CD4: variants seen among roughly 807,000 people sequenced by gnomAD.
CD4 encodes CD4 molecule, also known as T-cell surface glycoprotein CD4.
In CD4, 25 loss-of-function variants were observed where a neutral mutation model predicts 50.5. The ratio of observed to expected loss-of-function variants is 0.49; its 90% confidence interval spans 0.36 to 0.69. The LOEUF (loss-of-function observed/expected upper bound fraction) is 0.69. CD4 is among the 30% of genes least tolerant of loss of function. The pLI is 0.00. For missense variants in CD4, 456 were observed against 548.5 expected, an observed-to-expected ratio of 0.83 and a Z score of 1.68; for synonymous variants, 207 against 221.9, an observed-to-expected ratio of 0.93 and a Z score of 0.60.
chr12:6,816,317 A>T lies in CD4; in HGVS notation c.869A>T (p.Gln290Leu). Residue 290 changes from glutamine (Q) to leucine (L), a missense_variant, in exon 6 of 10, where the codon CAG becomes CTG. Physicochemically the swap from Gln to Leu is moderately radical, Grantham distance 113 (BLOSUM62 -2). Coordinates refer to ENST00000011653, the MANE Select transcript of CD4 (RefSeq NM_000616.5). The surrounding 1 kb of genome is among the most constrained non-coding windows in gnomAD (Gnocchi z 4.9). ...LHLTLPQALP[Q>L]YAGSGNLTLA... ...CTCACCCTGCCCCAGGCCTTGCCTC[A>T]GTATGCTGGCTCTGGAAACCTCACC... 1 of 1,614,226 alleles carries T rather than the reference A, an allele frequency of 6.2e-7. No individual in the cohort carries two copies. Among genetic ancestry groups the T allele is most frequent in the South Asian group, 1.1e-5 (1 of 91,084 alleles).
Position 6,816,267 on chromosome 12 carries a change from G to C in CD4, c.819G>C (p.Gln273His). The C allele has an allele frequency of 2.5e-6, 4 of 1,614,244 alleles. No individual in the cohort carries two copies. Among genetic ancestry groups the C allele is most frequent in the Non-Finnish European group, 3.4e-6 (4 of 1,180,044 alleles). The stretch of plus-strand genomic sequence containing the variant: ...GGGTTACCCAGGACCCTAAGCTCCA[G>C]ATGGGCAAGAAGCTCCCGCTCCACC... ...VKRVTQDPKL[Q>H]MGKKLPLHLT... Residue 273 changes from glutamine (Q) to histidine (H), a missense_variant, in exon 6 of 10, where the codon CAG (glutamine) becomes CAC (histidine). By Grantham distance (24) the Gln-to-His change is conservative (BLOSUM62 0). Transcript: ENST00000011653. This position sits in a 1 kb window ranked among gnomAD's most constrained non-coding sequence, Gnocchi z 4.9.
intron 4 of CD4, 133 bp downstream of exon 4, chr12:6,814,433 C>A: frequency 1.1e-6 from 1 of 906,616 alleles, no homozygotes; most frequent in Non-Finnish European, 1.6e-6. Context: ...TCAAACTGGC[C>A]TCCAAATGTC....
Position 6,814,835 on chromosome 12 carries a change from C to T in CD4, c.450C>T (p.Ser150=). 1 of 1,613,568 alleles carries T rather than the reference C, an allele frequency of 6.2e-7. No individual in the cohort carries two copies. Among genetic ancestry groups the T allele is most frequent in the Non-Finnish European group, 8.5e-7 (1 of 1,179,726 alleles). The change falls in exon 5 of 10, where the codon AGC becomes AGT. Residue 150 remains serine, a synonymous_variant. Transcript: ENST00000011653. ...CCTTGGAGAGCCCCCCTGGTAGTAG[C>T]CCCTCAGTGCAATGTAGGAGTCCAA... is the stretch of plus-strand genomic sequence containing the variant. The part of the protein sequence containing the change: ...TLTLESPPGS[S]PSVQCRSPRG...
At chr12:6,813,625 T>C (rs1555117356) in intron 3 of CD4, 1 of 152,900 alleles carries the variant, frequency 6.5e-6, no homozygotes, top group African/African-American at 2.4e-5. Flanking sequence ...CTATTTAACC[T>C]ATTCTTTATT....
intron 1 of CD4, among the ~76,000 whole-genome samples, 200 bp downstream of exon 1, chr12:6,789,862 C>T (rs28989522): frequency 0.017 from 2,641 of 152,330 alleles, 97 homozygotes; most frequent in African/African-American, 0.06. Context: ...TGCTAGACTC[C>T]TCTCTGCAGC....
rs180739869 is a variant in CD4, at chr12:6,819,234, G to A, written c.1347-65G>A. ...GTGCTGCGCTGGAAAGGCCATTGGA[G>A]GTGCTAGAACGCAAAGGGGTTGCAG... On this transcript the variant is annotated intron_variant, in intron 9 of 9. Transcript: ENST00000011653. 2,479 of 1,529,924 alleles carry A rather than the reference G, an allele frequency of 1.6e-3. 6 individuals carry two copies. Among genetic ancestry groups the A allele is most frequent in the Admixed American group, 2.8e-3 (166 of 59,890 alleles). 94.8% of individuals were successfully genotyped at this position (1,529,924 alleles called of 1,614,324 possible). A position where few individuals can be genotyped will look rare whatever the true frequency, so the allele number is the denominator to read the frequency against.
At position 6,794,830 on chromosome 12, in the gene CD4, G is replaced by A. The variant is rs78596743; in HGVS notation, c.-68+5168G>A. ...GATAGAGTCTTGCTCTGTCGCCGAGGCTGGAGTGCGGTGGCGCGATCTCAG... is the reference window on the plus strand; with the variant it reads ...GATAGAGTCTTGCTCTGTCGCCGAGACTGGAGTGCGGTGGCGCGATCTCAG... On this transcript the variant is annotated intron_variant, in intron 1 of 9. Transcript: ENST00000011653. Among the ~76,000 whole-genome samples, 28 of 130,810 alleles carry A rather than the reference G, an allele frequency of 2.1e-4. No individual in the cohort carries two copies. In the East Asian group the frequency reaches 6.1e-3, roughly 28 times the overall value. 85.8% of individuals were successfully genotyped at this position (130,810 alleles called of 152,430 possible).
chr12:6,817,028 A>G, intron 6 of CD4, 102 bp from the exon 7 acceptor site: 4 of 985,208 alleles, frequency 4.1e-6, no homozygotes, highest in Non-Finnish European at 6.2e-6. Context: ...CTGCATGAAA[A>G]CCTGCTCTAA....
intron 1 of CD4, chr12:6,798,934 G>A (rs534156100): frequency 2.6e-4 from 39 of 152,312 alleles, no homozygotes; most frequent in South Asian, 6.2e-4. Context: ...ATCTCAGCAC[G>A]GCCTTCAAGC....
At chr12:6,808,079 CAAAAAAAAAAAAAAA>C (rs34876182) in intron 3 of CD4, among the ~76,000 whole-genome samples, 1 of 70,154 alleles carries the variant, frequency 1.4e-5, no homozygotes, top group African/African-American at 4.5e-5. Flanking sequence ...GGCTCTTTCT[CAAAAAAAAAAAAAAA>C]AAAAAAAAAG....
intron 3 of CD4, among the ~76,000 whole-genome samples, chr12:6,806,844 T>C (rs1942775496): frequency 6.6e-6 from 1 of 152,178 alleles, no homozygotes; most frequent in African/African-American, 2.4e-5. Flanking sequence ...GCAAAGCCAC[T>C]CTGGAAAACA....
At chr12:6,804,469 G>T (rs1388601552) in intron 3 of CD4, among the ~76,000 whole-genome samples, 1 of 152,174 alleles carries the variant, frequency 6.6e-6, no homozygotes, top group Non-Finnish European at 1.5e-5. Context: ...ATTAATAAAT[G>T]AATTCATCAA....
At position 6,818,321 on chromosome 12, in the gene CD4, G is replaced by A. The variant is rs1398017314; in HGVS notation, c.1157-100G>A. On this transcript the variant is annotated intron_variant, in intron 7 of 9. Coordinates refer to ENST00000011653, the MANE Select transcript of CD4 (RefSeq NM_000616.5). The surrounding 1 kb of genome is among the most constrained non-coding windows in gnomAD (Gnocchi z 5.0). ...CCCCTCCCCTCTCCCCCAACCCCAG[G>A]GTCAAACCAGAGACTGGCCAGGAGG... 1.3e-6 allele frequency: 2 copies of A among 1,505,314 alleles called. No individual in the cohort carries two copies. Among genetic ancestry groups the A allele is most frequent in the Non-Finnish European group, 9.0e-7 (1 of 1,105,968 alleles). The allele number at this position is 1,505,314 out of a possible 1,614,324, so 93.2% of individuals were successfully genotyped here. A position where few individuals can be genotyped will look rare whatever the true frequency, so the allele number is the denominator to read the frequency against.
chr12:6,800,242 G>T, intron 2 of CD4, 55 bp downstream of exon 2: 1 of 1,612,572 alleles, frequency 6.2e-7, no homozygotes, highest in Non-Finnish European at 8.5e-7. Flanking sequence ...AAAGGCAAAG[G>T]TGGAGGATGG....
Position 6,818,965 on chromosome 12 carries a change from G to A in CD4, c.1346+51G>A. ...GAGAGGGGAAAGGGGGAGGGGGAGGGAGTTAGAGAGGAGGGGGAGGAAGGG... is the reference window on the plus strand; with the variant it reads ...GAGAGGGGAAAGGGGGAGGGGGAGGAAGTTAGAGAGGAGGGGGAGGAAGGG... On this transcript the variant is annotated intron_variant, in intron 9 of 9. Coordinates refer to ENST00000011653, the MANE Select transcript of CD4 (RefSeq NM_000616.5). This position sits in a 1 kb window ranked among gnomAD's most constrained non-coding sequence, Gnocchi z 5.0. 1.5e-6 allele frequency: 1 copy of A among 673,188 alleles called. No homozygotes were observed. The highest frequency in any genetic ancestry group is 1.5e-5 in the South Asian group (1 of 64,798). The allele number at this position is 673,188 out of a possible 1,614,324, so 41.7% of individuals were successfully genotyped here. A position where few individuals can be genotyped will look rare whatever the true frequency, so the allele number is the denominator to read the frequency against.
Position 6,818,792 on chromosome 12 carries a change from A to G in CD4, c.1279-55A>G. On this transcript the variant is annotated intron_variant, in intron 8 of 9. Transcript: ENST00000011653. This position sits in a 1 kb window ranked among gnomAD's most constrained non-coding sequence, Gnocchi z 5.0. The stretch of plus-strand genomic sequence containing the variant: ...TCCCCCACTCCCCCCACCAAGGGGC[A>G]CCTCCCTTCTGGAGGCCTGGGACCC... 1 of 1,491,292 alleles carries G rather than the reference A, an allele frequency of 6.7e-7. No individual in the cohort carries two copies. Among genetic ancestry groups the G allele is most frequent in the Non-Finnish European group, 9.4e-7 (1 of 1,068,554 alleles). The allele number at this position is 1,491,292 out of a possible 1,614,324, so 92.4% of individuals were successfully genotyped here.
chr12:6,818,707 C>T lies in CD4; in HGVS notation c.1279-140C>T. ...CACTCAAGGGAGAGACAGGAAGGAG[C>T]AGAGAGTTAATTCCAGGATAGATGG... On this transcript the variant is annotated intron_variant, in intron 8 of 9. Coordinates refer to ENST00000011653, the MANE Select transcript of CD4 (RefSeq NM_000616.5). The surrounding 1 kb of genome is among the most constrained non-coding windows in gnomAD (Gnocchi z 5.0). The T allele has an allele frequency of 1.7e-6, 2 of 1,185,768 alleles. No individual in the cohort carries two copies. 73.5% of individuals were successfully genotyped at this position (1,185,768 alleles called of 1,614,324 possible).
In CD4 at chr12:6,790,142, C is replaced by G. The variant is rs773354380; in HGVS notation, c.-68+480C>G. On this transcript the variant is annotated intron_variant, in intron 1 of 9. Coordinates refer to ENST00000011653, the MANE Select transcript of CD4 (RefSeq NM_000616.5). ...ATAAAAAAGAAATGATGAGGAAAAA[C>G]ATAAAAACAAGAAAAAGAGCAAAAG... is the stretch of plus-strand genomic sequence containing the variant. Among the ~76,000 whole-genome samples, 263 of 151,934 alleles carry G rather than the reference C, an allele frequency of 1.7e-3. 1 individual carries two copies. The highest frequency in any genetic ancestry group is 3.3e-3 in the Non-Finnish European group (224 of 67,934).
chr12:6,801,712 C>A lies in CD4; in HGVS notation c.214+1241C>A, dbSNP rs1399867827. ...AGTAGCTGGGACTACAGGCGTATGCCACCATGCCTGGCTAATTTTTTGTAC... is the reference window on the plus strand; with the variant it reads ...AGTAGCTGGGACTACAGGCGTATGCAACCATGCCTGGCTAATTTTTTGTAC... On this transcript the variant is annotated intron_variant, in intron 3 of 9. Coordinates refer to ENST00000011653, the MANE Select transcript of CD4 (RefSeq NM_000616.5). Among the ~76,000 whole-genome samples, 3 of 150,776 alleles carry A rather than the reference C, an allele frequency of 2.0e-5. No homozygotes were observed. The East Asian group carries it at 5.9e-4, about 30-fold the overall frequency.
Sources: gnomAD v4.1 joint callset for allele counts (sites outside exome capture counted in the v4.1 genomes callset) on GRCh38, gnomAD v4.1.1 for gene constraint, Gnocchi (gnomAD v3.1) non-coding constraint, MANE v1.5 for transcripts, NCBI Gene and HGNC (gene_info 2026-07-23, HGNC 2026-07-21) for gene names.